The following SERPINB4 variants were observed in gnomAD, a reference collection of about 807,000 sequenced individuals.
SERPINB4 encodes serpin B4.
Under a neutral mutation model 33.2 loss-of-function variants are expected in SERPINB4, and 39 were observed. The ratio of observed to expected loss-of-function variants is 1.18; its 90% confidence interval spans 0.91 to 1.53. The LOEUF is 1.53. Among genes scored for constraint, SERPINB4 ranks in the 40% most tolerant of loss-of-function variants. The pLI, the probability that SERPINB4 is intolerant of heterozygous loss-of-function variation, is 0.00. For synonymous variants in SERPINB4, 191 were observed against 166.4 expected (o/e 1.15, Z -1.14); for missense variants, 564 against 455.4 (o/e 1.24, Z -2.17).
At position 63,637,588 on chromosome 18, in the gene SERPINB4, A is replaced by G. The variant is rs1371718165; in HGVS notation, c.*131T>C. ...TGCTATTTTAATCATTAAATTCTTG[A>G]TGATGACTATCATCATCAAGATGAG... is the stretch of plus-strand genomic sequence containing the variant. On this transcript the variant is annotated 3_prime_UTR_variant, in exon 8 of 8. Transcript: ENST00000341074. 4.5e-6 allele frequency: 4 copies of G among 880,092 alleles called. No homozygotes were observed. The highest frequency in any genetic ancestry group is 6.9e-6 in the Non-Finnish European group (4 of 577,862). The allele number at this position is 880,092 out of a possible 1,614,324, so 54.5% of individuals were successfully genotyped here.
intron 3 of SERPINB4, among the ~76,000 whole-genome samples, chr18:63,642,222 A>T (rs1456610945): frequency 6.6e-6 from 1 of 152,096 alleles, no homozygotes; most frequent in African/African-American, 2.4e-5. Flanking sequence ...ATGGGCAAGG[A>T]CCATATTTCA....
intron 4 of SERPINB4, among the ~76,000 whole-genome samples, chr18:63,641,483 A>C (rs931063605): frequency 6.6e-6 from 1 of 152,084 alleles, no homozygotes; most frequent in African/African-American, 2.4e-5. Context: ...GTGCCAGTTT[A>C]TCGATGGTAT....
Position 63,641,039 on chromosome 18 carries a change from C to G in SERPINB4, c.352-48G>C, listed in dbSNP as rs373177927. The G allele has an allele frequency of 2.0e-5, 29 of 1,460,344 alleles. No homozygotes were observed. The Admixed American group carries it at 2.6e-4, about 13-fold the overall frequency. The allele number at this position is 1,460,344 out of a possible 1,614,324, so 90.5% of individuals were successfully genotyped here. ...TAGGAATTAGGAGTAATTTATGTAA[C>G]TATATATTACCAAACTTACTTATTT... On this transcript the variant is annotated intron_variant, in intron 4 of 7. Coordinates refer to ENST00000341074, the MANE Select transcript of SERPINB4 (RefSeq NM_002974.4).
intron 3 of SERPINB4, chr18:63,642,881 G>T: frequency 2.3e-6 from 1 of 437,002 alleles, no homozygotes; most frequent in Non-Finnish European, 4.1e-6. Flanking sequence ...GTTGTGTCCT[G>T]CTCTTATTCA....
chr18:63,638,221 T>C (rs1913004766), intron 7 of SERPINB4, 98 bp from the exon 8 acceptor site: 1 of 1,379,380 alleles, frequency 7.2e-7, no homozygotes, highest in South Asian at 1.5e-5. Context: ...ATTTTGGCAA[T>C]AAATGTGAAA....
rs2518059 is a variant in SERPINB4, at chr18:63,643,143, T to C, written c.222+18A>G. 1.5e-5 allele frequency: 24 copies of C among 1,613,072 alleles called. No homozygotes were observed. Among genetic ancestry groups the C allele is most frequent in the Non-Finnish European group, 1.8e-5 (21 of 1,179,460 alleles). On this transcript the variant is annotated intron_variant, in intron 3 of 7. Transcript: ENST00000341074. ...TGTTCAGGGATCTAAAGCTGAACCA[T>C]AGTGCTCTGTGACTCACATGATATG...
rs567840006 is a variant in SERPINB4 at position 63,637,453 on chromosome 18, C to T, written c.*266G>A. 3.0e-5 allele frequency: 10 copies of T among 334,654 alleles called. No individual in the cohort carries two copies. The highest frequency in any genetic ancestry group is 1.0e-4 in the South Asian group (1 of 9,558). 20.7% of individuals were successfully genotyped at this position (334,654 alleles called of 1,614,324 possible). ...AGAATTATATTTCAAATTTAGAAGACACGGTATTAAATGATTCATCTTATC... is the reference window on the plus strand; with the variant it reads ...AGAATTATATTTCAAATTTAGAAGATACGGTATTAAATGATTCATCTTATC... On this transcript the variant is annotated 3_prime_UTR_variant, in exon 8 of 8. Transcript: ENST00000341074.
chr18:63,639,545 T>G, intron 6 of SERPINB4, 89 bp downstream of exon 6: 1 of 1,085,152 alleles, frequency 9.2e-7, no homozygotes, highest in Non-Finnish European at 1.3e-6. Flanking sequence ...CAATTTTTAT[T>G]TTTTACTTAT....
At position 63,637,637 on chromosome 18, in the gene SERPINB4, A is replaced by G; in HGVS notation, c.*82T>C. 2 of 1,382,584 alleles carry G rather than the reference A, an allele frequency of 1.4e-6. No individual in the cohort carries two copies. 85.6% of individuals were successfully genotyped at this position (1,382,584 alleles called of 1,614,324 possible). A position where few individuals can be genotyped will look rare whatever the true frequency, so the allele number is the denominator to read the frequency against. ...AGATAGAAAAGAAATATGAGCCAAG[A>G]GAATCTGTTGTTGCCAGCAATCAGT... On this transcript the variant is annotated 3_prime_UTR_variant, in exon 8 of 8. Transcript: ENST00000341074.
At chr18:63,642,576 A>C (rs765048772) in intron 3 of SERPINB4, among the ~76,000 whole-genome samples, 12 of 152,126 alleles carry the variant, frequency 7.9e-5, no homozygotes, top group Non-Finnish European at 1.8e-4. Context: ...ACCTTCCAGC[A>C]AAGCATTTTG....
At position 63,637,937 on chromosome 18, in the gene SERPINB4, A is replaced by C. The variant is rs1221398490; in HGVS notation, c.955T>G (p.Trp319Gly). ...NGDADLSGMT[W>G]SHGLSVSKVL... Reference sequence around the variant, plus strand: ...TTAGATACTGAGAGACCGTGGCTCCAGGTCATGCCTGAGAGGTCTGCATCC... The same window carrying C: ...TTAGATACTGAGAGACCGTGGCTCCCGGTCATGCCTGAGAGGTCTGCATCC... The change falls in exon 8 of 8, where the codon TGG (tryptophan) becomes GGG (glycine). Residue 319 changes from tryptophan (W) to glycine (G), a missense_variant. By Grantham distance (184) the Trp-to-Gly change is radical. Transcript: ENST00000341074. 8.1e-6 allele frequency: 13 copies of C among 1,613,626 alleles called. No individual in the cohort carries two copies. Among genetic ancestry groups the C allele is most frequent in the Admixed American group, 1.7e-5 (1 of 59,876 alleles).
chr18:63,637,740 A>AT lies in SERPINB4; in HGVS notation c.1151dup (p.Tyr384Ter), dbSNP rs762042318. 2.2e-5 allele frequency: 36 copies of AT among 1,610,126 alleles called. No individual in the cohort carries two copies. The highest frequency in any genetic ancestry group is 2.9e-5 in the Non-Finnish European group (34 of 1,177,878). Residue 384 changes from tyrosine (Y) to a stop codon, truncating the protein, a stop_gained and frameshift_variant, in exon 8 of 8, where the codon TAT becomes TAAT. Coordinates refer to ENST00000341074, the MANE Select transcript of SERPINB4 (RefSeq NM_002974.4). LOFTEE classifies it high-confidence loss of function. Reference sequence around the variant, plus strand: ...GCATCTATGGGGATGAGAATCTGCCATAGAAGAGGATGCTGTTGGTCTTAT... The same window carrying AT: ...GCATCTATGGGGATGAGAATCTGCCATTAGAAGAGGATGCTGTTGGTCTTAT... ...RQNKTNSILF[Y>*]GRFSSP is the part of the protein sequence containing the mutation.
rs886559425 is a variant in SERPINB4 at position 63,637,654 on chromosome 18, GCAAT to G, written c.*61_*64del. On this transcript the variant is annotated 3_prime_UTR_variant, in exon 8 of 8. Coordinates refer to ENST00000341074, the MANE Select transcript of SERPINB4 (RefSeq NM_002974.4). ...GAGCCAAGAGAATCTGTTGTTGCCA[GCAAT>G]CAGTTTACCAGAACACCTCTAGGTG... The G allele has an allele frequency of 1.0e-4, 153 of 1,471,940 alleles. No homozygotes were observed. In the African/African-American group the frequency reaches 2.0e-3, roughly 19 times the overall value. The allele number at this position is 1,471,940 out of a possible 1,614,324, so 91.2% of individuals were successfully genotyped here.
chr18:63,639,733 A>G lies in SERPINB4; in HGVS notation c.513T>C (p.Asp171=), dbSNP rs753383937. 2 of 1,611,754 alleles carry G rather than the reference A, an allele frequency of 1.2e-6. No homozygotes were observed. Among genetic ancestry groups the G allele is most frequent in the East Asian group, 2.2e-5 (1 of 44,814 alleles). The part of the protein sequence containing the change: ...NLFPDGTIGN[D]TTLVLVNAIY... ...TTGCGTTCACAAGAACCAGTGTCGT[A>G]TCATTGCCAATAGTCCCATCAGGAA... The change falls in exon 6 of 8, where the codon GAT becomes GAC. Residue 171 remains aspartate, a synonymous_variant. Transcript: ENST00000341074.
At chr18:63,638,407 A>G (rs1280938168) in intron 7 of SERPINB4, among the ~76,000 whole-genome samples, 1 of 152,064 alleles carries the variant, frequency 6.6e-6, no homozygotes, top group Non-Finnish European at 1.5e-5. Context: ...TATGATACAC[A>G]TGTAAAATAT....
Position 63,640,982 on chromosome 18 carries a change from C to A in SERPINB4, c.361G>T (p.Asp121Tyr), listed in dbSNP as rs759318436. 1 of 1,611,424 alleles carries A rather than the reference C, an allele frequency of 6.2e-7. No homozygotes were observed. Among genetic ancestry groups the A allele is most frequent in the East Asian group, 2.2e-5 (1 of 44,862 alleles). Residue 121 changes from aspartate to tyrosine, a missense_variant, in exon 5 of 8, where the codon GAT becomes TAT. Physicochemically the swap from Asp to Tyr is radical, Grantham distance 160 (BLOSUM62 -3). Transcript: ENST00000341074. ...KTYQFLQEYL[D>Y]AIKKFYQTSV... Reference sequence around the variant, plus strand: ...GTCTGGTAAAATTTCTTGATGGCATCTAAATATTCCTTTGAGATATGAAGG... The same window carrying A: ...GTCTGGTAAAATTTCTTGATGGCATATAAATATTCCTTTGAGATATGAAGG...
chr18:63,637,596 T>A lies in SERPINB4; in HGVS notation c.*123A>T, dbSNP rs576236932. ...TAATCATTAAATTCTTGATGATGAC[T>A]ATCATCATCAAGATGAGATAGAAAA... On this transcript the variant is annotated 3_prime_UTR_variant, in exon 8 of 8. Transcript: ENST00000341074. The A allele has an allele frequency of 3.1e-6, 3 of 956,454 alleles. No homozygotes were observed. The highest frequency in any genetic ancestry group is 3.3e-5 in the African/African-American group (2 of 60,712). The allele number at this position is 956,454 out of a possible 1,614,324, so 59.2% of individuals were successfully genotyped here. A position where few individuals can be genotyped will look rare whatever the true frequency, so the allele number is the denominator to read the frequency against.
chr18:63,639,616 A>C lies in SERPINB4; in HGVS notation c.612+18T>G, dbSNP rs1913056645. ...TGTATTAACATATTACACTATATAA[A>C]TAAAATATAGACAATACCTTGTTTG... On this transcript the variant is annotated intron_variant, in intron 6 of 7. Coordinates refer to ENST00000341074, the MANE Select transcript of SERPINB4 (RefSeq NM_002974.4). 6.8e-7 allele frequency: 1 copy of C among 1,467,094 alleles called. No individual in the cohort carries two copies. Among genetic ancestry groups the C allele is most frequent in the South Asian group, 1.2e-5 (1 of 86,408 alleles). The allele number at this position is 1,467,094 out of a possible 1,614,324, so 90.9% of individuals were successfully genotyped here.
rs528469387 is a variant in SERPINB4, at chr18:63,641,775, C to T, written c.336G>A (p.Thr112=). The T allele has an allele frequency of 9.3e-6, 15 of 1,613,188 alleles. No individual in the cohort carries two copies. Among genetic ancestry groups the T allele is most frequent in the East Asian group, 4.5e-5 (2 of 44,876 alleles). ...GTGAAATTACCTGTAAAAATTGATA[C>T]GTCTTTTCTCCGAAGAGCTTGTTGG... The part of the protein sequence containing the change: ...KIANKLFGEK[T]YQFLQEYLDA... Residue 112 remains threonine, a synonymous_variant, in exon 4 of 8, where the codon ACG becomes ACA. Transcript: ENST00000341074.
Sources: gnomAD v4.1 joint callset for allele counts (sites outside exome capture counted in the v4.1 genomes callset) on GRCh38, gnomAD v4.1.1 for gene constraint, MANE v1.5 for transcripts, NCBI Gene and HGNC (gene_info 2026-07-23, HGNC 2026-07-21) for gene names.